Variants in SLC5A5 observed in about 807,000 individuals in gnomAD.
SLC5A5 encodes the protein sodium/iodide cotransporter.
Under a neutral mutation model 68.6 loss-of-function variants are expected in SLC5A5, and 56 were observed. The observed-to-expected ratio is 0.82, with a 90% CI of 0.66 to 1.02. The LOEUF is 1.02. Ranked by LOEUF, SLC5A5 falls within the 50% of genes least tolerant of loss-of-function variation. The pLI is 0.00. For synonymous variants in SLC5A5, 398 were observed against 373.0 expected (o/e 1.07, Z -0.77); for missense variants, 807 against 859.8 (o/e 0.94, Z 0.77).
intron 10 of SLC5A5, among the ~76,000 whole-genome samples, chr19:17,882,511 TTTTTTC>T (rs999618866): frequency 1.4e-5 from 2 of 144,056 alleles, no homozygotes; most frequent in African/African-American, 2.5e-5. Flanking sequence ...AATTTTTTTC[TTTTTTC>T]TTTTTTTTTT....
At chr19:17,873,992 G>A in intron 1 of SLC5A5, 146 bp from the exon 2 acceptor site, 1 of 702,072 alleles carries the variant, frequency 1.4e-6, no homozygotes, top group South Asian at 1.5e-5. Context: ...GGGTGTGTGC[G>A]TGCGGCGGGG....
rs749272611 is a variant in SLC5A5 at position 17,874,472 on chromosome 19, C to T, written c.424-22C>T. 8 of 1,613,546 alleles carry T rather than the reference C, an allele frequency of 5.0e-6. No homozygotes were observed. In the East Asian group the frequency reaches 8.9e-5, roughly 18 times the overall value. On this transcript the variant is annotated intron_variant, in intron 2 of 14. Transcript: ENST00000222248. ...TCGCCCAGACGCCCTCCCTGCTCAC[C>T]CGCCCCACACTCTGTCTACAGATGC... is the stretch of plus-strand genomic sequence containing the variant.
intron 4 of SLC5A5, among the ~76,000 whole-genome samples, chr19:17,875,587 A>AGC (rs1308126089): frequency 6.9e-6 from 1 of 145,012 alleles, no homozygotes. Context: ...ACATAGTGAG[A>AGC]CCCCCCCCCG....
intron 1 of SLC5A5, among the ~76,000 whole-genome samples, chr19:17,873,368 G>A (rs1300873348): frequency 6.6e-6 from 1 of 152,150 alleles, no homozygotes; most frequent in East Asian, 1.9e-4. Flanking sequence ...GGCTAAGACA[G>A]GAGAATTGCT....
Position 17,877,947 on chromosome 19 carries a change from G to A in SLC5A5, c.840-17G>A. On this transcript the variant is annotated splice_polypyrimidine_tract_variant and intron_variant, in intron 6 of 14. Coordinates refer to ENST00000222248, the MANE Select transcript of SLC5A5 (RefSeq NM_000453.3). Reference sequence around the variant, plus strand: ...CCTGAGGCTATCCCCTAAGCCTGAGGCTGCCTCTTCCCCCAGGGCCCTGCT... The same window carrying A: ...CCTGAGGCTATCCCCTAAGCCTGAGACTGCCTCTTCCCCCAGGGCCCTGCT... 1.2e-6 allele frequency: 2 copies of A among 1,613,628 alleles called. No individual in the cohort carries two copies. The highest frequency in any genetic ancestry group is 1.6e-4 in the Middle Eastern group (1 of 6,062).
Position 17,883,781 on chromosome 19 carries a change from G to T in SLC5A5, c.1329+14G>T. The T allele has an allele frequency of 6.2e-7, 1 of 1,610,700 alleles. No homozygotes were observed. Among genetic ancestry groups the T allele is most frequent in the Non-Finnish European group, 8.5e-7 (1 of 1,178,476 alleles). On this transcript the variant is annotated intron_variant, in intron 11 of 14. Coordinates refer to ENST00000222248, the MANE Select transcript of SLC5A5 (RefSeq NM_000453.3). ...TGCAACACACCGGTGAGTGGGGGCG[G>T]GGCAAGGGGCGGGGAGGGGCGGGGC...
intron 7 of SLC5A5, among the ~76,000 whole-genome samples, chr19:17,879,809 A>C (rs1004912721): frequency 6.6e-6 from 1 of 152,216 alleles, no homozygotes; most frequent in South Asian, 2.1e-4. Flanking sequence ...GGCTCAGAAC[A>C]CAGTGGGGCT....
At chr19:17,884,171 C>A in intron 12 of SLC5A5, 125 bp downstream of exon 12, 1 of 903,694 alleles carries the variant, frequency 1.1e-6, no homozygotes, top group Non-Finnish European at 1.7e-6. Context: ...GGGGAGGGAA[C>A]GGTAGGTGCA....
chr19:17,891,017 G>C lies in SLC5A5; in HGVS notation c.1767+16G>C. ...CTTGGTCAAGGTCAGTCTTAGGCTG[G>C]GTTCCCAGATCTAGAGGCAGCCAAG... On this transcript the variant is annotated intron_variant, in intron 14 of 14. Transcript: ENST00000222248. 6.4e-7 allele frequency: 1 copy of C among 1,552,840 alleles called. No homozygotes were observed. The highest frequency in any genetic ancestry group is 8.9e-7 in the Non-Finnish European group (1 of 1,124,302).
chr19:17,877,879 A>G lies in SLC5A5; in HGVS notation c.839+16A>G. Reference sequence around the variant, plus strand: ...AGGCCAAGCTGTGAGTGTTTCGGGGAGCAAGGTCGGGGTTTCTGGGACATG... The same window carrying G: ...AGGCCAAGCTGTGAGTGTTTCGGGGGGCAAGGTCGGGGTTTCTGGGACATG... On this transcript the variant is annotated intron_variant, in intron 6 of 14. Transcript: ENST00000222248. 1 of 1,614,032 alleles carries G rather than the reference A, an allele frequency of 6.2e-7. No homozygotes were observed. The highest frequency in any genetic ancestry group is 2.2e-5 in the East Asian group (1 of 44,876).
At chr19:17,889,539 A>G (rs2030081396) in intron 13 of SLC5A5, among the ~76,000 whole-genome samples, 1 of 152,084 alleles carries the variant, frequency 6.6e-6, no homozygotes, top group Non-Finnish European at 1.5e-5. Context: ...TGGCACAATC[A>G]TGGCTCACTG....
intron 10 of SLC5A5, 92 bp from the exon 11 acceptor site, chr19:17,883,589 G>A: frequency 9.8e-7 from 1 of 1,022,902 alleles, no homozygotes; most frequent in Non-Finnish European, 1.6e-6. Flanking sequence ...CCACATTGGA[G>A]TTCCTGAGGT....
rs200308966 is a variant in SLC5A5 at position 17,891,002 on chromosome 19, G to C, written c.1767+1G>C. 73 of 1,596,442 alleles carry C rather than the reference G, an allele frequency of 4.6e-5. No homozygotes were observed. Among genetic ancestry groups the C allele is most frequent in the Non-Finnish European group, 5.8e-5 (67 of 1,164,038 alleles). Reference sequence around the variant, plus strand: ...CATCCTGGATGACAACTTGGTCAAGGTCAGTCTTAGGCTGGGTTCCCAGAT... The same window carrying C: ...CATCCTGGATGACAACTTGGTCAAGCTCAGTCTTAGGCTGGGTTCCCAGAT... On this transcript the variant is annotated splice_donor_variant, in intron 14 of 14. Coordinates refer to ENST00000222248, the MANE Select transcript of SLC5A5 (RefSeq NM_000453.3). LOFTEE classifies it high-confidence loss of function.
chr19:17,872,273 A>G lies in SLC5A5; in HGVS notation c.-47A>G. The G allele has an allele frequency of 9.6e-7, 1 of 1,045,712 alleles. No individual in the cohort carries two copies. The highest frequency in any genetic ancestry group is 1.3e-6 in the Non-Finnish European group (1 of 766,382). 64.8% of individuals were successfully genotyped at this position (1,045,712 alleles called of 1,614,324 possible). On this transcript the variant is annotated 5_prime_UTR_variant, in exon 1 of 15. Transcript: ENST00000222248. Reference sequence around the variant, plus strand: ...GGCCCCTGCCAGCTTCCCCCGCTTGAGCACGCAGGGCGTCCGAGGACGCGC... The same window carrying G: ...GGCCCCTGCCAGCTTCCCCCGCTTGGGCACGCAGGGCGTCCGAGGACGCGC...
At chr19:17,893,425 G>T (rs574256619) in intron 14 of SLC5A5, among the ~76,000 whole-genome samples, 87 of 152,196 alleles carry the variant, frequency 5.7e-4, no homozygotes, top group African/African-American at 1.9e-3. Context: ...TTTCTTGAAG[G>T]TGAACAGGCA....
In SLC5A5 at chr19:17,894,143, C is replaced by CTTTTTT. The variant is rs772763011; in HGVS notation, c.*283_*288dup. The CTTTTTT allele has an allele frequency of 1.6e-4, 42 of 263,108 alleles. No individual in the cohort carries two copies. The highest frequency in any genetic ancestry group is 8.2e-4 in the South Asian group (23 of 27,966). The allele number at this position is 263,108 out of a possible 1,614,324, so 16.3% of individuals were successfully genotyped here. A position where few individuals can be genotyped will look rare whatever the true frequency, so the allele number is the denominator to read the frequency against. On this transcript the variant is annotated 3_prime_UTR_variant, in exon 15 of 15. Coordinates refer to ENST00000222248, the MANE Select transcript of SLC5A5 (RefSeq NM_000453.3). ...AATAAGGCTGGGTTTTTCTCTCTCT[C>CTTTTTT]TTTTTTTTTTTTTTTTTTTTTTGAG... is the stretch of plus-strand genomic sequence containing the variant.
chr19:17,883,673 T>A lies in SLC5A5; in HGVS notation c.1243-8T>A. 1 of 1,611,646 alleles carries A rather than the reference T, an allele frequency of 6.2e-7. No homozygotes were observed. The highest frequency in any genetic ancestry group is 8.5e-7 in the Non-Finnish European group (1 of 1,178,584). ...CGCCCTCAGCCCCACTTCCACCTAC[T>A]CTCCCAGGGCTCCTTCACCGTCATG... On this transcript the variant is annotated splice_polypyrimidine_tract_variant and splice_region_variant and intron_variant, in intron 10 of 14. Coordinates refer to ENST00000222248, the MANE Select transcript of SLC5A5 (RefSeq NM_000453.3).
At chr19:17,880,415 A>G (rs571686320) in intron 7 of SLC5A5, among the ~76,000 whole-genome samples, 1 of 151,988 alleles carries the variant, frequency 6.6e-6, no homozygotes, top group African/African-American at 2.4e-5. Context: ...AGGTTTCACC[A>G]TGTTGGCCAG....
intron 5 of SLC5A5, among the ~76,000 whole-genome samples, chr19:17,876,388 C>G (rs1397272552): frequency 6.7e-6 from 1 of 148,198 alleles, no homozygotes; most frequent in Non-Finnish European, 1.5e-5. Flanking sequence ...GATCACACTA[C>G]TGCACTCCAG....
Sources: gnomAD v4.1 joint callset for allele counts (sites outside exome capture counted in the v4.1 genomes callset) on GRCh38, gnomAD v4.1.1 for gene constraint, MANE v1.5 for transcripts, NCBI Gene and HGNC (gene_info 2026-07-23, HGNC 2026-07-21) for gene names.